DUSP10: variants seen among roughly 807,000 people sequenced by gnomAD.
DUSP10 encodes dual specificity protein phosphatase 10.
In DUSP10, 14 loss-of-function variants were observed where a neutral mutation model predicts 30.8. That is an observed-to-expected ratio of 0.46 (90% CI 0.30 to 0.71). The LOEUF is 0.71. Among genes scored for constraint, DUSP10 ranks in the 30% least tolerant of loss-of-function variants. DUSP10 has a pLI of 0.08. For synonymous variants in DUSP10, 254 were observed against 250.4 expected (o/e 1.01, Z -0.14); for missense variants, 550 against 619.4 (o/e 0.89, Z 1.19).
chr1:221,734,798 G>A (rs1225062053), intron 2 of DUSP10, among the ~76,000 whole-genome samples: 2 of 152,094 alleles, frequency 1.3e-5, no homozygotes, highest in African/African-American at 4.8e-5. Flanking sequence ...GTTAACCAGA[G>A]GCTCAGAATA....
intron 2 of DUSP10, among the ~76,000 whole-genome samples, chr1:221,725,861 C>T (rs1661410660): frequency 6.6e-6 from 1 of 152,230 alleles, no homozygotes; most frequent in Admixed American, 6.5e-5. Context: ...AGTGTTTTAT[C>T]TACAGTGTAA....
chr1:221,721,774 C>A (rs1243216181), intron 2 of DUSP10, among the ~76,000 whole-genome samples: 4 of 152,160 alleles, frequency 2.6e-5, no homozygotes, highest in African/African-American at 9.7e-5. Flanking sequence ...AGGAGGGAAA[C>A]TCACCCTGAG....
intron 1 of DUSP10, 61 bp from the exon 2 acceptor site, chr1:221,739,848 A>G: frequency 1.4e-6 from 2 of 1,442,870 alleles, no homozygotes; most frequent in Non-Finnish European, 1.8e-6. Context: ...AGGCAGTCTC[A>G]TCCAATCCCT....
rs771407392 is a variant in DUSP10 at position 221,739,438 on chromosome 1, T to A, written c.307A>T (p.Thr103Ser). Residue 103 changes from threonine (T) to serine (S), a missense_variant, in exon 2 of 4, where the codon ACC becomes TCC. Physicochemically the swap from Thr to Ser is moderately conservative, Grantham distance 58 (BLOSUM62 1). Transcript: ENST00000366899. ...GTGGTAGAGGTTCCGATGGCAGTGG[T>A]GGTGGTGCCAGCGGCAATGGCTTGG... Reference protein sequence around the residue: ...QTQAIAAGTTTTAIGTSTTCP... With the variant: ...QTQAIAAGTTSTAIGTSTTCP... 1 of 1,614,174 alleles carries A rather than the reference T, an allele frequency of 6.2e-7. No homozygotes were observed. The highest frequency in any genetic ancestry group is 8.5e-7 in the Non-Finnish European group (1 of 1,180,034).
chr1:221,731,090 G>A (rs768073744), intron 2 of DUSP10, among the ~76,000 whole-genome samples: 11 of 151,844 alleles, frequency 7.2e-5, no homozygotes, highest in South Asian at 2.1e-4. Flanking sequence ...GATTACATTC[G>A]TGAATATAGA....
At chr1:221,729,224 G>A (rs1197110223) in intron 2 of DUSP10, among the ~76,000 whole-genome samples, 1 of 152,158 alleles carries the variant, frequency 6.6e-6, no homozygotes, top group African/African-American at 2.4e-5. Flanking sequence ...CAAAAGCTGG[G>A]ATATAATTTG....
chr1:221,715,454 C>T (rs1661070445), intron 2 of DUSP10, among the ~76,000 whole-genome samples: 1 of 152,196 alleles, frequency 6.6e-6, no homozygotes, highest in Admixed American at 6.5e-5. Flanking sequence ...GAAAAGTCAG[C>T]CTCTGGTTCC....
rs566251782 is a variant in DUSP10 at position 221,728,961 on chromosome 1, A to C, written c.811+9973T>G. On this transcript the variant is annotated intron_variant, in intron 2 of 3. Coordinates refer to ENST00000366899, the MANE Select transcript of DUSP10 (RefSeq NM_007207.6). ...TCCAGATATCAAAAGCAAACTGAGC[A>C]GAAGTATACCAGAGCTACACCCAGG... 1.1e-4 allele frequency among the ~76,000 whole-genome samples: 16 copies of C among 152,352 alleles called. 1 individual carries two copies. The South Asian group carries it at 3.1e-3, about 30-fold the overall frequency.
intron 2 of DUSP10, among the ~76,000 whole-genome samples, chr1:221,721,453 G>A (rs1213952206): frequency 6.6e-6 from 1 of 152,232 alleles, no homozygotes; most frequent in Non-Finnish European, 1.5e-5. Context: ...CCATCCAGCT[G>A]TAACTCACAC....
chr1:221,711,181 G>C (rs781428748), intron 2 of DUSP10, among the ~76,000 whole-genome samples: 3 of 152,182 alleles, frequency 2.0e-5, no homozygotes, highest in Non-Finnish European at 1.5e-5. Flanking sequence ...CTTTATAGAT[G>C]CATTTCAGCT....
chr1:221,737,276 G>T (rs112547870), intron 2 of DUSP10: 1 of 985,228 alleles, frequency 1.0e-6, no homozygotes, highest in Non-Finnish European at 1.2e-6. Context: ...CCTGCTCTGC[G>T]TGAGAAAAGA....
At chr1:221,708,788 T>C (rs375491921) in intron 2 of DUSP10, among the ~76,000 whole-genome samples, 1 of 152,184 alleles carries the variant, frequency 6.6e-6, no homozygotes, top group Non-Finnish European at 1.5e-5. Flanking sequence ...CTGCTCAGCT[T>C]CGCCTCCACA....
chr1:221,739,376 A>T lies in DUSP10; in HGVS notation c.369T>A (p.Asn123Lys), dbSNP rs1171977740. The change falls in exon 2 of 4, where the codon AAT (asparagine) becomes AAA (lysine). Residue 123 changes from asparagine to lysine, a missense_variant. By Grantham distance (94) the Asn-to-Lys change is moderately conservative (BLOSUM62 0). Coordinates refer to ENST00000366899, the MANE Select transcript of DUSP10 (RefSeq NM_007207.6). ...PANQMVNNNENTGSLSPSSGV... is the reference protein window; with the variant it reads ...PANQMVNNNEKTGSLSPSSGV... ...CACTTGATGGACTTAGAGAGCCTGT[A>T]TTCTCATTATTGTTGACCATCTGGT... 2 of 1,614,132 alleles carry T rather than the reference A, an allele frequency of 1.2e-6. No homozygotes were observed. Among genetic ancestry groups the T allele is most frequent in the East Asian group, 4.5e-5 (2 of 44,876 alleles).
Position 221,706,084 on chromosome 1 carries a change from G to A in DUSP10, c.1183+11C>T. The A allele has an allele frequency of 1.2e-6, 2 of 1,609,616 alleles. No individual in the cohort carries two copies. The highest frequency in any genetic ancestry group is 2.2e-5 in the South Asian group (2 of 90,774). On this transcript the variant is annotated intron_variant, in intron 3 of 3. Transcript: ENST00000366899. This position sits in a 1 kb window ranked among gnomAD's most constrained non-coding sequence, Gnocchi z 4.6. ...GGCAGCGGATGAAAATTCCCTATGG[G>A]AGATAGTTACCAATGAACTCAAAAG...
Position 221,739,795 on chromosome 1 carries a change from G to A in DUSP10, c.-43-8C>T. 1 of 1,514,212 alleles carries A rather than the reference G, an allele frequency of 6.6e-7. No homozygotes were observed. Among genetic ancestry groups the A allele is most frequent in the South Asian group, 1.3e-5 (1 of 75,374 alleles). 93.8% of individuals were successfully genotyped at this position (1,514,212 alleles called of 1,614,324 possible). Reference sequence around the variant, plus strand: ...AGAAGAACTCAAGACAGTCTGTAAAGAAGGGGAAGGGGGAAAGAAAGAATA... The same window carrying A: ...AGAAGAACTCAAGACAGTCTGTAAAAAAGGGGAAGGGGGAAAGAAAGAATA... On this transcript the variant is annotated splice_region_variant and splice_polypyrimidine_tract_variant and intron_variant, in intron 1 of 3. Transcript: ENST00000366899.
At chr1:221,714,942 C>A (rs1435027613) in intron 2 of DUSP10, among the ~76,000 whole-genome samples, 8 of 152,206 alleles carry the variant, frequency 5.3e-5, no homozygotes, top group Non-Finnish European at 1.2e-4. Context: ...TAATACTTGA[C>A]AATGACACTT....
In DUSP10 at chr1:221,714,387, G is replaced by A. The variant is rs905386809; in HGVS notation, c.812-7921C>T. Among the ~76,000 whole-genome samples, 9 of 152,178 alleles carry A rather than the reference G, an allele frequency of 5.9e-5. No homozygotes were observed. In the East Asian group the frequency reaches 1.3e-3, roughly 23 times the overall value. On this transcript the variant is annotated intron_variant, in intron 2 of 3. Coordinates refer to ENST00000366899, the MANE Select transcript of DUSP10 (RefSeq NM_007207.6). ...ACACAGACAAGCAAACTGAGAGCTCGCACGTGTGGATGCCAGCAGGAAAGA... is the reference window on the plus strand; with the variant it reads ...ACACAGACAAGCAAACTGAGAGCTCACACGTGTGGATGCCAGCAGGAAAGA...
intron 2 of DUSP10, among the ~76,000 whole-genome samples, chr1:221,711,237 T>C (rs1467600179): frequency 1.3e-5 from 2 of 152,220 alleles, no homozygotes; most frequent in African/African-American, 4.8e-5. Flanking sequence ...AGAAGAGTCC[T>C]CTGTAATGTG....
intron 2 of DUSP10, among the ~76,000 whole-genome samples, chr1:221,717,454 GAA>G (rs528299852): frequency 0.018 from 2,228 of 124,218 alleles, 61 homozygotes; most frequent in African/African-American, 0.061. Flanking sequence ...GAGGGGAAAA[GAA>G]ACAGAGAGAG....
Sources: gnomAD v4.1 joint callset for allele counts (sites outside exome capture counted in the v4.1 genomes callset) on GRCh38, gnomAD v4.1.1 for gene constraint, Gnocchi (gnomAD v3.1) non-coding constraint, MANE v1.5 for transcripts, NCBI Gene and HGNC (gene_info 2026-07-23, HGNC 2026-07-21) for gene names.